PRDM16: variants seen among roughly 807,000 people sequenced by gnomAD.
PRDM16 encodes the protein PR/SET domain 16.
Under a neutral mutation model 110.6 loss-of-function variants are expected in PRDM16, and 23 were observed. That is an observed-to-expected ratio of 0.21 (90% CI 0.15 to 0.29). PRDM16 has a LOEUF of 0.29. Ranked by LOEUF, PRDM16 falls within the 10% of genes least tolerant of loss-of-function variation. The pLI is 1.00. For synonymous variants in PRDM16, 799 were observed against 781.8 expected, an observed-to-expected ratio of 1.02 and a Z score of -0.37; for missense variants, 1,615 against 1,794.3, an observed-to-expected ratio of 0.90 and a Z score of 1.81.
intron 1 of PRDM16, among the ~76,000 whole-genome samples, chr1:3,151,766 A>G (rs1643779275): frequency 6.6e-6 from 1 of 152,038 alleles, no homozygotes; most frequent in Non-Finnish European, 1.5e-5. Flanking sequence ...TGTATTCTCC[A>G]CTCCCGGAGA....
chr1:3,409,228 T>C (rs1643626864), intron 8 of PRDM16, among the ~76,000 whole-genome samples: 1 of 151,058 alleles, frequency 6.6e-6, no homozygotes, highest in East Asian at 2.0e-4. Context: ...TGCGTGTGGG[T>C]GTGAGAGTGT....
chr1:3,114,025 C>T (rs535721284), intron 1 of PRDM16, among the ~76,000 whole-genome samples: 2 of 152,324 alleles, frequency 1.3e-5, no homozygotes, highest in South Asian at 2.1e-4. Context: ...ACCTACTAGT[C>T]ATGTGCGGAG....
chr1:3,236,714 A>G (rs2100898300), intron 2 of PRDM16, among the ~76,000 whole-genome samples: 1 of 152,310 alleles, frequency 6.6e-6, no homozygotes, highest in Middle Eastern at 3.4e-3. Context: ...GGCCCATGTG[A>G]ATCCAGGGTG....
intron 2 of PRDM16, among the ~76,000 whole-genome samples, chr1:3,226,368 G>A (rs1639288976): frequency 6.6e-6 from 1 of 152,186 alleles, no homozygotes; most frequent in African/African-American, 2.4e-5. Flanking sequence ...ATTCGGGTGT[G>A]CGGTGAGGCT....
At chr1:3,161,189 G>T (rs952321766) in intron 1 of PRDM16, among the ~76,000 whole-genome samples, 12 of 152,200 alleles carry the variant, frequency 7.9e-5, no homozygotes, top group Non-Finnish European at 1.6e-4. Flanking sequence ...GAAAGTTCCG[G>T]CAGAACAGGC....
chr1:3,405,073 C>T (rs1368242803), intron 7 of PRDM16, among the ~76,000 whole-genome samples, 187 bp downstream of exon 7: 3 of 152,134 alleles, frequency 2.0e-5, no homozygotes, highest in Admixed American at 6.5e-5. Flanking sequence ...CAGGGAAGAC[C>T]GTGTCCCCCA....
At position 3,390,872 on chromosome 1, in the gene PRDM16, G is replaced by C. The variant is rs1357734486; in HGVS notation, c.573+5586G>C. The stretch of plus-strand genomic sequence containing the variant: ...TTTTTTTAGACAGAGTTTCACTCTT[G>C]TTGCCCAGGCCAGAGTGCAATAGCA... On this transcript the variant is annotated intron_variant, in intron 4 of 16. Transcript: ENST00000270722. This position sits in a 1 kb window ranked among gnomAD's most constrained non-coding sequence, Gnocchi z 5.0. Among the ~76,000 whole-genome samples the C allele has an allele frequency of 9.1e-6, 1 of 110,062 alleles. No individual in the cohort carries two copies. Among genetic ancestry groups the C allele is most frequent in the Non-Finnish European group, 1.8e-5 (1 of 54,344 alleles). 72.2% of individuals were successfully genotyped at this position (110,062 alleles called of 152,430 possible).
At position 3,379,052 on chromosome 1, in the gene PRDM16, G is replaced by A. The variant is rs543180289; in HGVS notation, c.439-6100G>A. ...ACACAGGCCTGGCCCCTCCCAGCGC[G>A]CCCTTCCTGGTGCACCCTCCCCAAC... On this transcript the variant is annotated intron_variant, in intron 3 of 16. Coordinates refer to ENST00000270722, the MANE Select transcript of PRDM16 (RefSeq NM_022114.4). 4.1e-3 allele frequency among the ~76,000 whole-genome samples: 578 copies of A among 140,536 alleles called. 3 individuals carry two copies. The highest frequency in any genetic ancestry group is 6.7e-3 in the Non-Finnish European group (429 of 64,008). The allele number at this position is 140,536 out of a possible 152,430, so 92.2% of individuals were successfully genotyped here. A position where few individuals can be genotyped will look rare whatever the true frequency, so the allele number is the denominator to read the frequency against.
At chr1:3,311,520 GA>G (rs1641460439) in intron 3 of PRDM16, among the ~76,000 whole-genome samples, 1 of 152,234 alleles carries the variant, frequency 6.6e-6, no homozygotes, top group South Asian at 2.1e-4. Flanking sequence ...AGAAAGAGAA[GA>G]AATGATGAAG....
At chr1:3,173,791 T>A (rs1644055554) in intron 1 of PRDM16, among the ~76,000 whole-genome samples, 1 of 152,184 alleles carries the variant, frequency 6.6e-6, no homozygotes, top group Non-Finnish European at 1.5e-5. Flanking sequence ...CGAGGCTCCG[T>A]GCTCAGCAAT....
chr1:3,114,501 C>T (rs539359593), intron 1 of PRDM16, among the ~76,000 whole-genome samples: 67 of 150,678 alleles, frequency 4.4e-4, no homozygotes, highest in Admixed American at 1.3e-3. Flanking sequence ...CGCACACACG[C>T]GCATGCACAC....
intron 3 of PRDM16, among the ~76,000 whole-genome samples, chr1:3,329,770 T>C (rs1019049018): frequency 1.3e-5 from 2 of 152,222 alleles, no homozygotes; most frequent in African/African-American, 4.8e-5. Flanking sequence ...GTGCGGCTTC[T>C]GGAGAGAGGG....
rs1642543394 is a variant in PRDM16 at position 3,353,942 on chromosome 1, A to T, written c.439-31210A>T. 6.6e-6 allele frequency among the ~76,000 whole-genome samples: 1 copy of T among 152,088 alleles called. No homozygotes were observed. Among genetic ancestry groups the T allele is most frequent in the Admixed American group, 6.5e-5 (1 of 15,278 alleles). Reference sequence around the variant, plus strand: ...CATGTGGATGCAGGGCTGCCCACCCAACACTGCTGAGCCCACACAGGCCCA... The same window carrying T: ...CATGTGGATGCAGGGCTGCCCACCCTACACTGCTGAGCCCACACAGGCCCA... On this transcript the variant is annotated intron_variant, in intron 3 of 16. Transcript: ENST00000270722. This position sits in a 1 kb window ranked among gnomAD's most constrained non-coding sequence, Gnocchi z 5.4.
chr1:3,108,914 A>G lies in PRDM16; in HGVS notation c.37+39618A>G, dbSNP rs553046027. Among the ~76,000 whole-genome samples, 10 of 151,828 alleles carry G rather than the reference A, an allele frequency of 6.6e-5. No individual in the cohort carries two copies. In the South Asian group the frequency reaches 1.9e-3, roughly 29 times the overall value. ...AACCCTGTCTCTACTAAAAAAAAAAAAATACAAAAATACAAAAATTAGCTG... is the reference window on the plus strand; with the variant it reads ...AACCCTGTCTCTACTAAAAAAAAAAGAATACAAAAATACAAAAATTAGCTG... On this transcript the variant is annotated intron_variant, in intron 1 of 16. Coordinates refer to ENST00000270722, the MANE Select transcript of PRDM16 (RefSeq NM_022114.4).
At chr1:3,349,280 C>G (rs994442297) in intron 3 of PRDM16, among the ~76,000 whole-genome samples, 2 of 152,092 alleles carry the variant, frequency 1.3e-5, no homozygotes, top group Non-Finnish European at 2.9e-5. Context: ...GAGCTGGTGT[C>G]AGGGAGGAGG....
rs964519781 is a variant in PRDM16 at position 3,255,652 on chromosome 1, G to T, written c.438+11515G>T. Reference sequence around the variant, plus strand: ...TTAGCTGCTGTGGGCAAGCAGCAGGGCTTGGTCCACCCTGGCGGTTGGGCC... The same window carrying T: ...TTAGCTGCTGTGGGCAAGCAGCAGGTCTTGGTCCACCCTGGCGGTTGGGCC... On this transcript the variant is annotated intron_variant, in intron 3 of 16. Coordinates refer to ENST00000270722, the MANE Select transcript of PRDM16 (RefSeq NM_022114.4). This position sits in a 1 kb window ranked among gnomAD's most constrained non-coding sequence, Gnocchi z 4.7. Among the ~76,000 whole-genome samples, 4 of 152,332 alleles carry T rather than the reference G, an allele frequency of 2.6e-5. No homozygotes were observed. Among genetic ancestry groups the T allele is most frequent in the African/African-American group, 9.6e-5 (4 of 41,582 alleles).
chr1:3,386,100 C>A (rs937087379), intron 4 of PRDM16, among the ~76,000 whole-genome samples: 2 of 152,220 alleles, frequency 1.3e-5, no homozygotes, highest in African/African-American at 4.8e-5. Flanking sequence ...CCAGGCCTCC[C>A]GGGCGGCACT....
chr1:3,151,218 G>T lies in PRDM16; in HGVS notation c.38-34907G>T, dbSNP rs75974700. ...GCTGGGCATGGGGGCAGGGCCCTGG[G>T]GCACACTCTGTACCCCCATCTGGTC... On this transcript the variant is annotated intron_variant, in intron 1 of 16. Coordinates refer to ENST00000270722, the MANE Select transcript of PRDM16 (RefSeq NM_022114.4). Among the ~76,000 whole-genome samples, 1,152 of 152,320 alleles carry T rather than the reference G, an allele frequency of 7.6e-3. 13 individuals carry two copies. The highest frequency in any genetic ancestry group is 0.026 in the African/African-American group (1,067 of 41,562).
intron 3 of PRDM16, among the ~76,000 whole-genome samples, chr1:3,272,236 C>T (rs1015118393): frequency 1.3e-5 from 2 of 152,318 alleles, no homozygotes; most frequent in Non-Finnish European, 2.9e-5. Context: ...CGGGGACAGG[C>T]GTGTGGTGAG....
Sources: gnomAD v4.1 joint callset for allele counts (sites outside exome capture counted in the v4.1 genomes callset) on GRCh38, gnomAD v4.1.1 for gene constraint, Gnocchi (gnomAD v3.1) non-coding constraint, MANE v1.5 for transcripts, NCBI Gene and HGNC (gene_info 2026-07-23, HGNC 2026-07-21) for gene names.